The following GPC6 variants were observed in gnomAD, a reference collection of about 807,000 sequenced individuals.
GPC6 encodes the protein glypican-6.
Under a neutral mutation model 55.2 loss-of-function variants are expected in GPC6, and 14 were observed. That is an observed-to-expected ratio of 0.25 (90% confidence interval 0.17 to 0.40). GPC6 has a LOEUF of 0.40. Among genes scored for constraint, GPC6 ranks in the 10% least tolerant of loss-of-function variants. The pLI is 1.00. For synonymous variants in GPC6, 278 were observed against 259.6 expected, an observed-to-expected ratio of 1.07 and a Z score of -0.68; for missense variants, 641 against 708.5, an observed-to-expected ratio of 0.90 and a Z score of 1.08.
At chr13:94,359,496 A>G (rs1356284958) in intron 6 of GPC6, among the ~76,000 whole-genome samples, 1 of 152,214 alleles carries the variant, frequency 6.6e-6, no homozygotes, top group African/African-American at 2.4e-5. Flanking sequence ...AAAGACTCAC[A>G]GTGTAACCTC....
chr13:93,802,340 A>G (rs1190069337), intron 2 of GPC6, among the ~76,000 whole-genome samples: 2 of 152,062 alleles, frequency 1.3e-5, no homozygotes, highest in Non-Finnish European at 2.9e-5. Context: ...TCACTCAGAC[A>G]CTTCCCCTTC....
chr13:93,638,272 C>T (rs531662963), intron 2 of GPC6, among the ~76,000 whole-genome samples: 63 of 152,206 alleles, frequency 4.1e-4, no homozygotes, highest in African/African-American at 1.4e-3. Context: ...GATTAGCATA[C>T]TCTGCTGAGG....
At chr13:93,549,646 G>A (rs978148942) in intron 2 of GPC6, among the ~76,000 whole-genome samples, 5 of 152,146 alleles carry the variant, frequency 3.3e-5, no homozygotes, top group East Asian at 3.9e-4. Context: ...ATGTGCTGGC[G>A]TCTTGTGGTC....
intron 7 of GPC6, among the ~76,000 whole-genome samples, chr13:94,383,168 C>T: frequency 6.6e-6 from 1 of 152,132 alleles, no homozygotes; most frequent in East Asian, 1.9e-4. Context: ...TGATTCAGCC[C>T]AGAAACGGGC....
intron 6 of GPC6, among the ~76,000 whole-genome samples, chr13:94,377,219 T>C (rs2139201038): frequency 6.6e-6 from 1 of 151,302 alleles, no homozygotes; most frequent in Non-Finnish European, 1.5e-5. Context: ...TTAAAGAGCT[T>C]CTGCACAGCA....
At position 93,741,746 on chromosome 13, in the gene GPC6, C is replaced by A. The variant is rs552376415; in HGVS notation, c.320-88408C>A. Among the ~76,000 whole-genome samples, 11 of 152,036 alleles carry A rather than the reference C, an allele frequency of 7.2e-5. No individual in the cohort carries two copies. The South Asian group carries it at 2.3e-3, about 32-fold the overall frequency. ...TTTCCATAAACCAGTAAATGCTTAC[C>A]CCCAGCACTCTTACTCTACTTAAAT... On this transcript the variant is annotated intron_variant, in intron 2 of 8. Transcript: ENST00000377047.
intron 4 of GPC6, among the ~76,000 whole-genome samples, chr13:94,229,599 G>C (rs1472215531): frequency 1.3e-5 from 2 of 152,164 alleles, no homozygotes; most frequent in Admixed American, 1.3e-4. Flanking sequence ...ATTTAGGGTA[G>C]GGTAGACTGC....
chr13:93,439,066 G>A (rs1161347631), intron 1 of GPC6, among the ~76,000 whole-genome samples: 1 of 152,082 alleles, frequency 6.6e-6, no homozygotes, highest in Non-Finnish European at 1.5e-5. Flanking sequence ...TTAAATTAAG[G>A]TATGTACATT....
chr13:93,386,198 C>T (rs1330971106), intron 1 of GPC6, among the ~76,000 whole-genome samples: 1 of 151,096 alleles, frequency 6.6e-6, no homozygotes, highest in East Asian at 2.0e-4. Flanking sequence ...CAGCGAATAA[C>T]TGTAGACGCT....
At chr13:93,471,136 T>C (rs1022372880) in intron 1 of GPC6, among the ~76,000 whole-genome samples, 1 of 152,200 alleles carries the variant, frequency 6.6e-6, no homozygotes, top group Non-Finnish European at 1.5e-5. Context: ...TCTTATTTTC[T>C]TGCTTCAACT....
At chr13:94,376,560 A>G (rs939550107) in intron 6 of GPC6, among the ~76,000 whole-genome samples, 3 of 150,668 alleles carry the variant, frequency 2.0e-5, no homozygotes, top group African/African-American at 7.3e-5. Flanking sequence ...GGATACAAAC[A>G]AATGGAAGAA....
chr13:93,574,411 G>T (rs1419066517), intron 2 of GPC6, among the ~76,000 whole-genome samples: 1 of 152,088 alleles, frequency 6.6e-6, no homozygotes, highest in Non-Finnish European at 1.5e-5. Context: ...AACACTAGAC[G>T]CTAGGCAGAA....
chr13:93,611,838 T>C (rs747019231), intron 2 of GPC6, among the ~76,000 whole-genome samples: 10 of 152,342 alleles, frequency 6.6e-5, no homozygotes, highest in Non-Finnish European at 1.5e-4. Flanking sequence ...TATGCAAAGC[T>C]AACTATGTAA....
At chr13:93,586,170 T>C (rs1168281265) in intron 2 of GPC6, among the ~76,000 whole-genome samples, 1 of 152,096 alleles carries the variant, frequency 6.6e-6, no homozygotes, top group Non-Finnish European at 1.5e-5. Context: ...TGTCCATGTG[T>C]TCTCATCATT....
intron 1 of GPC6, among the ~76,000 whole-genome samples, chr13:93,294,207 A>T (rs778735468): frequency 2.0e-5 from 3 of 152,184 alleles, no homozygotes; most frequent in Non-Finnish European, 4.4e-5. Flanking sequence ...CACAAATATT[A>T]TATATACAAT....
At chr13:93,345,920 A>G (rs1233423709) in intron 1 of GPC6, among the ~76,000 whole-genome samples, 1 of 152,176 alleles carries the variant, frequency 6.6e-6, no homozygotes, top group Non-Finnish European at 1.5e-5. Flanking sequence ...CAGTGAGGTA[A>G]AGAAAAGTTC....
At chr13:94,225,707 A>G (rs1169392332) in intron 4 of GPC6, among the ~76,000 whole-genome samples, 1 of 151,762 alleles carries the variant, frequency 6.6e-6, no homozygotes, top group Non-Finnish European at 1.5e-5. Context: ...TAGTCTTTAA[A>G]TAGAAATACA....
intron 2 of GPC6, among the ~76,000 whole-genome samples, chr13:93,687,248 A>C (rs1323924349): frequency 6.6e-6 from 1 of 152,114 alleles, no homozygotes; most frequent in Non-Finnish European, 1.5e-5. Flanking sequence ...TTTCTAATCA[A>C]TTCTGTCCCC....
chr13:93,933,692 G>A (rs1311848713), intron 3 of GPC6, among the ~76,000 whole-genome samples: 1 of 152,148 alleles, frequency 6.6e-6, no homozygotes, highest in Non-Finnish European at 1.5e-5. Context: ...TACTGTTATT[G>A]TCACTCAGCA....
Sources: gnomAD v4.1 joint callset for allele counts (sites outside exome capture counted in the v4.1 genomes callset) on GRCh38, gnomAD v4.1.1 for gene constraint, MANE v1.5 for transcripts, NCBI Gene and HGNC (gene_info 2026-07-23, HGNC 2026-07-21) for gene names.